AUTS2: variants seen among roughly 807,000 people sequenced by gnomAD.
AUTS2 encodes activator of transcription and developmental regulator AUTS2, also known as autism susceptibility gene 2 protein.
In AUTS2, 17 loss-of-function variants were observed where a neutral mutation model predicts 112.4. The ratio of observed to expected loss-of-function variants is 0.15; its 90% CI spans 0.10 to 0.23. AUTS2 has a LOEUF of 0.23. AUTS2 is among the 10% of genes least tolerant of loss of function. The pLI, the probability that AUTS2 is intolerant of heterozygous loss-of-function variation, is 1.00. For missense variants in AUTS2, 1,510 were observed against 1,701.6 expected (o/e 0.89, Z 1.98); for synonymous variants, 751 against 702.7 (o/e 1.07, Z -1.09).
intron 2 of AUTS2, among the ~76,000 whole-genome samples, chr7:70,103,464 G>T (rs1804605138): frequency 6.6e-6 from 1 of 151,566 alleles, no homozygotes; most frequent in Non-Finnish European, 1.5e-5. Context: ...TCTAGGCTCA[G>T]CTTACCACCC....
chr7:70,245,231 T>C (rs1052191711), intron 4 of AUTS2, among the ~76,000 whole-genome samples: 2 of 150,504 alleles, frequency 1.3e-5, no homozygotes, highest in South Asian at 4.2e-4. Context: ...AGTATTGCAG[T>C]TTTTTAAAGC....
intron 4 of AUTS2, among the ~76,000 whole-genome samples, chr7:70,326,875 C>A (rs187319914): frequency 1.1e-3 from 166 of 149,280 alleles, no homozygotes; most frequent in Admixed American, 2.3e-3. Flanking sequence ...ACTGTAAAAA[C>A]ATAATCACAG....
intron 5 of AUTS2, among the ~76,000 whole-genome samples, chr7:70,513,427 A>G (rs963307101): frequency 2.6e-5 from 4 of 152,174 alleles, no homozygotes; most frequent in African/African-American, 9.6e-5. Flanking sequence ...ACGATCAAAG[A>G]CCATTCCATT....
At chr7:69,615,342 G>A (rs553453222) in intron 1 of AUTS2, among the ~76,000 whole-genome samples, 2 of 152,096 alleles carry the variant, frequency 1.3e-5, no homozygotes, top group East Asian at 1.9e-4. Flanking sequence ...TTGCTCTATC[G>A]CCCAGGCTGG....
At chr7:70,451,004 G>A (rs1360783031) in intron 5 of AUTS2, among the ~76,000 whole-genome samples, 3 of 152,110 alleles carry the variant, frequency 2.0e-5, no homozygotes, top group Non-Finnish European at 4.4e-5. Context: ...TCAGCTGGAT[G>A]AGGTCAGAAG....
intron 1 of AUTS2, among the ~76,000 whole-genome samples, chr7:69,703,827 T>A (rs1157199934): frequency 6.6e-6 from 1 of 152,232 alleles, no homozygotes; most frequent in African/African-American, 2.4e-5. Context: ...TTGGTCATGT[T>A]TTGCTAGCTT....
chr7:70,158,569 C>G (rs1339861670), intron 4 of AUTS2, among the ~76,000 whole-genome samples: 1 of 152,048 alleles, frequency 6.6e-6, no homozygotes, highest in Non-Finnish European at 1.5e-5. Context: ...TATTTGAATC[C>G]TAGACCTGCC....
intron 1 of AUTS2, among the ~76,000 whole-genome samples, chr7:69,852,632 T>C (rs1296298728): frequency 3.3e-5 from 5 of 152,104 alleles, no homozygotes; most frequent in South Asian, 2.1e-4. Context: ...TTTGTATTTT[T>C]AGTAGAGACA....
At chr7:70,144,778 G>A (rs1807044656) in intron 4 of AUTS2, among the ~76,000 whole-genome samples, 1 of 152,050 alleles carries the variant, frequency 6.6e-6, no homozygotes, top group Admixed American at 6.6e-5. Flanking sequence ...TCCTTCAGTT[G>A]TTATAGTTGA....
intron 2 of AUTS2, among the ~76,000 whole-genome samples, chr7:69,943,598 A>G (rs981847490): frequency 6.6e-6 from 1 of 152,196 alleles, no homozygotes; most frequent in African/African-American, 2.4e-5. Flanking sequence ...AGGGTCTATC[A>G]GGGAGATATT....
At chr7:69,669,942 C>T (rs185320713) in intron 1 of AUTS2, among the ~76,000 whole-genome samples, 7 of 152,180 alleles carry the variant, frequency 4.6e-5, no homozygotes, top group Middle Eastern at 3.4e-3. Flanking sequence ...CACAGCCTGG[C>T]GACATAATGG....
At chr7:70,608,063 G>A (rs565419411) in intron 5 of AUTS2, among the ~76,000 whole-genome samples, 1 of 152,218 alleles carries the variant, frequency 6.6e-6, no homozygotes, top group East Asian at 1.9e-4. Flanking sequence ...CTGGACCTTT[G>A]CCAGCTCTGG....
intron 2 of AUTS2, among the ~76,000 whole-genome samples, chr7:70,069,760 C>A (rs1434557840): frequency 3.4e-5 from 5 of 148,080 alleles, no homozygotes; most frequent in Non-Finnish European, 7.4e-5. Flanking sequence ...TGATTTTATC[C>A]TTATTTCAAA....
intron 1 of AUTS2, among the ~76,000 whole-genome samples, chr7:69,723,249 A>G (rs1160880396): frequency 6.6e-6 from 1 of 152,114 alleles, no homozygotes; most frequent in East Asian, 1.9e-4. Context: ...TATATAGGCC[A>G]TGTGATTCTC....
intron 5 of AUTS2, among the ~76,000 whole-genome samples, chr7:70,457,873 G>A (rs1377676571): frequency 6.6e-6 from 1 of 152,100 alleles, no homozygotes; most frequent in Non-Finnish European, 1.5e-5. Context: ...GTGCTTTTTT[G>A]TTACTTCCTG....
intron 1 of AUTS2, among the ~76,000 whole-genome samples, chr7:69,752,807 A>T (rs1256841783): frequency 6.6e-6 from 1 of 152,190 alleles, no homozygotes; most frequent in Non-Finnish European, 1.5e-5. Context: ...GACTAATAGA[A>T]ATTTCTAAGG....
intron 4 of AUTS2, among the ~76,000 whole-genome samples, chr7:70,371,728 G>A (rs1013038684): frequency 2.0e-5 from 3 of 152,108 alleles, no homozygotes; most frequent in African/African-American, 7.2e-5. Flanking sequence ...TCTATTATAA[G>A]ACAGTAAATT....
At chr7:70,721,032 G>T (rs991764569) in intron 6 of AUTS2, among the ~76,000 whole-genome samples, 8 of 151,946 alleles carry the variant, frequency 5.3e-5, no homozygotes, top group South Asian at 2.1e-4. Flanking sequence ...AGGCAAAAAT[G>T]AAAACATTTG....
chr7:69,753,343 C>A (rs1444816694), intron 1 of AUTS2, among the ~76,000 whole-genome samples: 3 of 150,368 alleles, frequency 2.0e-5, no homozygotes, highest in African/African-American at 7.3e-5. Flanking sequence ...GGAAATTGTT[C>A]CTGTTGATCT....
Sources: allele counts gnomAD v4.1 joint callset (sites outside exome capture counted in the v4.1 genomes callset), GRCh38; gene constraint gnomAD v4.1.1; transcripts MANE v1.5; gene names NCBI Gene and HGNC (gene_info 2026-07-23, HGNC 2026-07-21).